The following LINGO2 variants were observed in gnomAD, a reference collection of about 807,000 sequenced individuals.
The protein encoded by LINGO2 is leucine-rich repeat and immunoglobulin-like domain-containing nogo receptor-interacting protein 2.
A neutral mutation model predicts 30.6 loss-of-function variants in LINGO2; 14 were observed. The observed-to-expected ratio is 0.46, with a 90% CI of 0.30 to 0.72. The LOEUF (loss-of-function observed/expected upper bound fraction) is 0.72. Among genes scored for constraint, LINGO2 ranks in the 30% least tolerant of loss-of-function variants. LINGO2 has a pLI of 0.07. For synonymous variants in LINGO2, 317 were observed against 288.5 expected (o/e 1.10, Z -1.00); for missense variants, 729 against 751.7 (o/e 0.97, Z 0.35).
At chr9:29,087,999 A>T in the LINGO2 span, among the ~76,000 whole-genome samples, 1 of 152,286 alleles carries the variant, frequency 6.6e-6, no homozygotes, top group Non-Finnish European at 1.5e-5. Context: ...AGACCTTTTA[A>T]ATATATTATC....
chr9:29,075,566 A>G, the LINGO2 span, among the ~76,000 whole-genome samples: 4 of 152,172 alleles, frequency 2.6e-5, no homozygotes, highest in Non-Finnish European at 5.9e-5. Flanking sequence ...GATTTAGCCT[A>G]TTCATAACTT....
the LINGO2 span, among the ~76,000 whole-genome samples, chr9:28,814,202 G>C: frequency 2.0e-5 from 3 of 152,262 alleles, no homozygotes; most frequent in African/African-American, 4.8e-5. Flanking sequence ...ACTTTGGGAG[G>C]CCAAGGCAGG....
intron 2 of LINGO2, among the ~76,000 whole-genome samples, chr9:28,383,451 G>A (rs10491892): frequency 0.014 from 2,191 of 152,122 alleles, 52 homozygotes; most frequent in African/African-American, 0.05. Flanking sequence ...TTCCAAAAAG[G>A]CCAACATGCT....
chr9:29,100,975 TAGC>T, the LINGO2 span, among the ~76,000 whole-genome samples: 2 of 152,168 alleles, frequency 1.3e-5, no homozygotes, highest in Non-Finnish European at 2.9e-5. Flanking sequence ...ACTAAGGTGG[TAGC>T]AGTAGGAATG....
At chr9:28,628,696 A>G (rs1826796991) in intron 1 of LINGO2, among the ~76,000 whole-genome samples, 1 of 152,098 alleles carries the variant, frequency 6.6e-6, no homozygotes, top group Non-Finnish European at 1.5e-5. Context: ...CTTGGTACCT[A>G]GTCTCTTGAT....
At chr9:28,104,986 A>G (rs1012542389) in intron 4 of LINGO2, among the ~76,000 whole-genome samples, 2 of 152,270 alleles carry the variant, frequency 1.3e-5, no homozygotes, top group East Asian at 1.9e-4. Flanking sequence ...CCATTTAAAC[A>G]TTGATCAACC....
chr9:28,970,397 C>G, the LINGO2 span, among the ~76,000 whole-genome samples: 1 of 152,102 alleles, frequency 6.6e-6, no homozygotes, highest in Admixed American at 6.6e-5. Context: ...AGTATTTACA[C>G]AAGAAAAGCA....
At chr9:29,135,281 C>T in the LINGO2 span, among the ~76,000 whole-genome samples, 3 of 151,936 alleles carry the variant, frequency 2.0e-5, no homozygotes, top group Non-Finnish European at 4.4e-5. Flanking sequence ...ATTGTCAGGC[C>T]GGGTGTGGTG....
chr9:28,917,957 G>A, the LINGO2 span, among the ~76,000 whole-genome samples: 8 of 152,140 alleles, frequency 5.3e-5, no homozygotes, highest in Admixed American at 1.3e-4. Flanking sequence ...GTGACAAACA[G>A]TGCTAGCGGC....
chr9:28,586,877 TA>T (rs1227405752), intron 1 of LINGO2, among the ~76,000 whole-genome samples: 1 of 151,892 alleles, frequency 6.6e-6, no homozygotes, highest in Non-Finnish European at 1.5e-5. Context: ...AATAATTTCT[TA>T]AGAAAAAAAA....
intron 4 of LINGO2, among the ~76,000 whole-genome samples, chr9:28,151,582 G>A (rs1021391445): frequency 3.3e-5 from 5 of 151,714 alleles, no homozygotes; most frequent in Admixed American, 6.5e-5. Flanking sequence ...ATGTGCTGAC[G>A]AATATAATTA....
At chr9:29,061,168 TAG>T in the LINGO2 span, among the ~76,000 whole-genome samples, 2 of 151,822 alleles carry the variant, frequency 1.3e-5, no homozygotes, top group Admixed American at 1.3e-4. Context: ...TGCTCAACAA[TAG>T]AGAGGAGAAG....
the LINGO2 span, among the ~76,000 whole-genome samples, chr9:29,097,713 G>A: frequency 1.4e-5 from 2 of 138,056 alleles, 1 homozygote; most frequent in Non-Finnish European, 3.1e-5. Flanking sequence ...GGTAAGAATC[G>A]CTTGGTAGTA....
At chr9:28,776,005 G>A in the LINGO2 span, among the ~76,000 whole-genome samples, 1 of 152,116 alleles carries the variant, frequency 6.6e-6, no homozygotes, top group Non-Finnish European at 1.5e-5. Context: ...CCAGTCCCTG[G>A]CTCATGGCAA....
rs1011195226 is a variant in LINGO2, at chr9:28,292,834, G to A, written c.-87+2374C>T. ...CGCCCAGGCTGGAGTGCAGTGACAC[G>A]ATCTCGGTTCACTGCAAGCTCTGCC... On this transcript the variant is annotated intron_variant, in intron 4 of 5. Transcript: ENST00000379992. Among the ~76,000 whole-genome samples the A allele has an allele frequency of 4.6e-5, 7 of 151,144 alleles. No homozygotes were observed. In the South Asian group the frequency reaches 8.4e-4, roughly 18 times the overall value.
intron 4 of LINGO2, among the ~76,000 whole-genome samples, chr9:28,236,712 C>G (rs1416017903): frequency 1.3e-5 from 2 of 151,776 alleles, no homozygotes; most frequent in African/African-American, 4.8e-5. Flanking sequence ...ATAATAAATA[C>G]AAGGATGTTT....
intron 5 of LINGO2, among the ~76,000 whole-genome samples, chr9:27,991,633 A>G (rs1170631657): frequency 2.0e-5 from 3 of 152,216 alleles, no homozygotes; most frequent in Middle Eastern, 3.4e-3. Flanking sequence ...ACACATAGGA[A>G]CACAAGTAAA....
At chr9:28,769,454 G>T in the LINGO2 span, among the ~76,000 whole-genome samples, 1 of 101,026 alleles carries the variant, frequency 9.9e-6, no homozygotes, top group Admixed American at 1.2e-4. Context: ...CCTGTCCCCA[G>T]TTACATGCTA....
chr9:28,356,242 C>A (rs1820205131), intron 3 of LINGO2, among the ~76,000 whole-genome samples: 1 of 151,994 alleles, frequency 6.6e-6, no homozygotes, highest in Admixed American at 6.6e-5. Flanking sequence ...TAAAAAAAAT[C>A]ATTGAATATC....
Sources: gnomAD v4.1 joint callset for allele counts (sites outside exome capture counted in the v4.1 genomes callset) on GRCh38, gnomAD v4.1.1 for gene constraint, MANE v1.5 for transcripts, NCBI Gene and HGNC (gene_info 2026-07-23, HGNC 2026-07-21) for gene names.